TG: variants seen among roughly 807,000 people sequenced by gnomAD.
TG encodes thyroglobulin.
TG carries 270 observed loss-of-function variants against 324.7 expected under a neutral mutation model. The observed-to-expected ratio is 0.83, with a 90% CI of 0.75 to 0.92. The LOEUF (loss-of-function observed/expected upper bound fraction) is 0.92, where lower values mean the gene tolerates loss of function less well. Ranked by LOEUF, TG falls within the 40% of genes least tolerant of loss-of-function variation. The pLI is 0.00. For missense variants in TG, 3,591 were observed against 3,456.4 expected (o/e 1.04, Z -0.98); for synonymous variants, 1,401 against 1,327.0 (o/e 1.06, Z -1.21).
At chr8:133,050,636 G>A (rs1411484005) in intron 41 of TG, 3 of 546,746 alleles carry the variant, frequency 5.5e-6, no homozygotes, top group East Asian at 6.1e-5. Flanking sequence ...AGCTATGGAA[G>A]GTTCTAGAGC....
chr8:132,867,556 A>G (rs1292680883), intron 1 of TG, among the ~76,000 whole-genome samples: 2 of 151,442 alleles, frequency 1.3e-5, no homozygotes, highest in Non-Finnish European at 2.9e-5. Context: ...TAAAAAGTAA[A>G]CAAATAACAC....
intron 41 of TG, among the ~76,000 whole-genome samples, chr8:133,064,622 A>G (rs1842812457): frequency 6.6e-6 from 1 of 152,246 alleles, no homozygotes; most frequent in South Asian, 2.1e-4. Context: ...CCATTTGAGC[A>G]GAAACATGGC....
At chr8:132,974,048 C>T (rs901475797) in intron 34 of TG, among the ~76,000 whole-genome samples, 4 of 139,358 alleles carry the variant, frequency 2.9e-5, no homozygotes, top group Admixed American at 7.8e-5. Flanking sequence ...GGCTGGAGTG[C>T]AATGGCGCGA....
rs754494001 is a variant in TG at position 132,881,980 on chromosome 8, C to T, written c.745+11C>T. On this transcript the variant is annotated intron_variant, in intron 6 of 47. Coordinates refer to ENST00000220616, the MANE Select transcript of TG (RefSeq NM_003235.5). ...AACTGGCTGAGACAGGTGAGTGATACCCCTCAGGTGATCTGAAGGGAGGGA... is the reference window on the plus strand; with the variant it reads ...AACTGGCTGAGACAGGTGAGTGATATCCCTCAGGTGATCTGAAGGGAGGGA... The T allele has an allele frequency of 1.9e-6, 3 of 1,577,922 alleles. No individual in the cohort carries two copies. Among genetic ancestry groups the T allele is most frequent in the Admixed American group, 1.7e-5 (1 of 59,986 alleles).
chr8:132,942,554 T>C (rs1036519826), intron 26 of TG, among the ~76,000 whole-genome samples: 2 of 152,234 alleles, frequency 1.3e-5, no homozygotes, highest in Non-Finnish European at 2.9e-5. Context: ...CAATGGAATG[T>C]TCTAGGCATT....
At chr8:132,988,594 C>T (rs1321025091) in intron 35 of TG, 1 of 503,328 alleles carries the variant, frequency 2.0e-6, no homozygotes, top group Admixed American at 6.4e-5. Context: ...ACAATTATAT[C>T]AACGGTGTAT....
Position 132,963,045 on chromosome 8 carries a change from T to A in TG, c.5519T>A (p.Val1840Glu). 1 of 1,614,036 alleles carries A rather than the reference T, an allele frequency of 6.2e-7. No homozygotes were observed. The highest frequency in any genetic ancestry group is 2.2e-5 in the East Asian group (1 of 44,876). The change falls in exon 29 of 48, where the codon GTG (valine) becomes GAG (glutamate). Residue 1840 changes from valine to glutamate, a missense_variant. Coordinates refer to ENST00000220616, the MANE Select transcript of TG (RefSeq NM_003235.5). ...TCTATGGGATGTAGAAAAGACACAGTGCCAAGGCCAGCATCTCCAACAGAA... is the reference window on the plus strand; with the variant it reads ...TCTATGGGATGTAGAAAAGACACAGAGCCAAGGCCAGCATCTCCAACAGAA... ...PESMGCRKDT[V>E]PRPASPTEAG...
At chr8:133,107,072 C>A (rs1434433410) in intron 43 of TG, among the ~76,000 whole-genome samples, 3 of 152,188 alleles carry the variant, frequency 2.0e-5, no homozygotes, top group African/African-American at 4.8e-5. Context: ...TATTTATTGT[C>A]TCCCATGTGT....
intron 44 of TG, among the ~76,000 whole-genome samples, chr8:133,114,926 C>T (rs953805676): frequency 1.2e-4 from 18 of 152,278 alleles, no homozygotes; most frequent in East Asian, 1.2e-3. Flanking sequence ...TTGGATCTTG[C>T]GGACTAAAAG....
At chr8:132,971,062 A>T (rs1829442009) in intron 32 of TG, among the ~76,000 whole-genome samples, 1 of 152,170 alleles carries the variant, frequency 6.6e-6, no homozygotes, top group Admixed American at 6.5e-5. Context: ...GGAGTCACGA[A>T]TGAGTGGTCA....
chr8:132,985,043 C>CT (rs1831352206), intron 35 of TG, among the ~76,000 whole-genome samples: 1 of 152,042 alleles, frequency 6.6e-6, no homozygotes, highest in Non-Finnish European at 1.5e-5. Flanking sequence ...CTTCTAACTA[C>CT]TTTTTTTCTC....
At position 132,888,274 on chromosome 8, in the gene TG, A is replaced by C. The variant is rs1466947390; in HGVS notation, c.2467A>C (p.Ser823Arg). 5 of 1,614,158 alleles carry C rather than the reference A, an allele frequency of 3.1e-6. No homozygotes were observed. In the South Asian group the frequency reaches 5.5e-5, roughly 18 times the overall value. ...CGGAAACTTCAGTCTCTTTATTCAA[A>C]GTCTGTATGAGGCTGGCCAGCAAGA... ...ASGNFSLFIQSLYEAGQQDVF... is the reference protein window; with the variant it reads ...ASGNFSLFIQRLYEAGQQDVF... The change falls in exon 10 of 48, where the codon AGT becomes CGT. Residue 823 changes from serine to arginine, a missense_variant. Coordinates refer to ENST00000220616, the MANE Select transcript of TG (RefSeq NM_003235.5).
At chr8:132,960,641 G>A (rs1391084600) in intron 27 of TG, among the ~76,000 whole-genome samples, 1 of 152,210 alleles carries the variant, frequency 6.6e-6, no homozygotes, top group East Asian at 1.9e-4. Context: ...TACCAATGAG[G>A]CAAGAGTCTC....
chr8:133,028,563 G>A (rs1219797182), intron 40 of TG, among the ~76,000 whole-genome samples: 6 of 152,170 alleles, frequency 3.9e-5, no homozygotes, highest in South Asian at 2.1e-4. Context: ...TGACAAGCAC[G>A]GTTCTGTTCC....
chr8:133,019,756 C>T, intron 39 of TG, 61 bp downstream of exon 39: 1 of 1,418,472 alleles, frequency 7.0e-7, no homozygotes. Context: ...AATCCACTGT[C>T]CCCACTGTGG....
At chr8:132,894,543 C>T (rs971818122) in intron 11 of TG, among the ~76,000 whole-genome samples, 4 of 151,826 alleles carry the variant, frequency 2.6e-5, no homozygotes, top group Admixed American at 6.6e-5. Flanking sequence ...ACCACAGCCT[C>T]GAACTCCTGG....
intron 5 of TG, among the ~76,000 whole-genome samples, chr8:132,876,322 C>T (rs1477662907): frequency 7.2e-5 from 11 of 152,000 alleles, no homozygotes; most frequent in Middle Eastern, 3.4e-3. Context: ...AGGTGAGGGT[C>T]GGGGGGAGTC....
chr8:133,090,912 C>T (rs919787816), intron 41 of TG, among the ~76,000 whole-genome samples: 1 of 152,134 alleles, frequency 6.6e-6, no homozygotes, highest in Non-Finnish European at 1.5e-5. Context: ...GCCACAAGCA[C>T]GAGATGACAC....
At chr8:132,953,721 G>C (rs1826435986) in intron 27 of TG, among the ~76,000 whole-genome samples, 2 of 152,156 alleles carry the variant, frequency 1.3e-5, no homozygotes, top group Non-Finnish European at 2.9e-5. Flanking sequence ...TGATGGCTGA[G>C]AATATGAGAT....
Sources: allele counts gnomAD v4.1 joint callset (sites outside exome capture counted in the v4.1 genomes callset), GRCh38; gene constraint gnomAD v4.1.1; transcripts MANE v1.5; gene names NCBI Gene and HGNC (gene_info 2026-07-23, HGNC 2026-07-21).